The following TNS4 variants were observed in gnomAD, a reference collection of about 807,000 sequenced individuals.
TNS4 encodes the protein tensin-4.
TNS4 carries 46 observed loss-of-function variants against 70.4 expected under a neutral mutation model. The ratio of observed to expected loss-of-function variants is 0.65; its 90% CI spans 0.52 to 0.84. The LOEUF is 0.84. Ranked by LOEUF, TNS4 falls within the 40% of genes least tolerant of loss-of-function variation. The pLI is 0.00. For synonymous variants in TNS4, 390 were observed against 366.6 expected, an observed-to-expected ratio of 1.06 and a Z score of -0.73; for missense variants, 863 against 907.0, an observed-to-expected ratio of 0.95 and a Z score of 0.62.
intron 2 of TNS4, among the ~76,000 whole-genome samples, chr17:40,495,294 T>C (rs2143826948): frequency 6.6e-6 from 1 of 152,316 alleles, no homozygotes. Flanking sequence ...GTGGTGGCAA[T>C]GCTGTGTGAC....
In TNS4 at chr17:40,487,254, T is replaced by G; in HGVS notation, c.1070A>C (p.His357Pro). The G allele has an allele frequency of 6.2e-7, 1 of 1,614,162 alleles. No individual in the cohort carries two copies. Among genetic ancestry groups the G allele is most frequent in the Non-Finnish European group, 8.5e-7 (1 of 1,180,008 alleles). ...TPHSPPLAKE[H>P]ASSCPPSITN... Reference sequence around the variant, plus strand: ...GATGGATGGGGGGCAGCTGCTGGCATGTTCTTTGGCCAGTGGTGGAGAGTG... The same window carrying G: ...GATGGATGGGGGGCAGCTGCTGGCAGGTTCTTTGGCCAGTGGTGGAGAGTG... The change falls in exon 4 of 13, where the codon CAT becomes CCT. Residue 357 changes from histidine to proline, a missense_variant. By Grantham distance (77) the His-to-Pro change is moderately conservative (BLOSUM62 -2). Coordinates refer to ENST00000254051, the MANE Select transcript of TNS4 (RefSeq NM_032865.6).
Position 40,483,701 on chromosome 17 carries a change from G to C in TNS4, c.1501+783C>G, listed in dbSNP as rs1486219711. Among the ~76,000 whole-genome samples the C allele has an allele frequency of 2.6e-5, 4 of 152,138 alleles. No homozygotes were observed. The East Asian group carries it at 7.7e-4, about 29-fold the overall frequency. On this transcript the variant is annotated intron_variant, in intron 6 of 12. Coordinates refer to ENST00000254051, the MANE Select transcript of TNS4 (RefSeq NM_032865.6). ...GCCTCTTGCAAGGCGTCCTTTATAA[G>C]TAACACCCTCCCCAGAGGTCACTTT...
intron 9 of TNS4, chr17:40,480,135 A>C: frequency 5.1e-6 from 2 of 391,106 alleles, no homozygotes; most frequent in Non-Finnish European, 9.2e-6. Flanking sequence ...CCTTCTGTCC[A>C]CACTTAACGG....
intron 3 of TNS4, 82 bp downstream of exon 3, chr17:40,488,464 G>A (rs961605964): frequency 2.0e-5 from 27 of 1,343,810 alleles, no homozygotes; most frequent in Admixed American, 1.4e-4. Flanking sequence ...GACAGAGCAG[G>A]GTCCCTTTCA....
At chr17:40,491,930 G>A (rs950905921) in intron 2 of TNS4, among the ~76,000 whole-genome samples, 2 of 152,150 alleles carry the variant, frequency 1.3e-5, no homozygotes, top group African/African-American at 4.8e-5. Flanking sequence ...GTTGGAAAAT[G>A]AAAGTGGGGG....
In TNS4 at chr17:40,476,921, G is replaced by A. The variant is rs1482578977; in HGVS notation, c.*667C>T. On this transcript the variant is annotated 3_prime_UTR_variant, in exon 13 of 13. Coordinates refer to ENST00000254051, the MANE Select transcript of TNS4 (RefSeq NM_032865.6). Reference sequence around the variant, plus strand: ...AAGATGGGGTGATACTCATCTGCAAGGGGGTGCAGGACAGCTGGGTCTCCT... The same window carrying A: ...AAGATGGGGTGATACTCATCTGCAAAGGGGTGCAGGACAGCTGGGTCTCCT... 1 of 152,226 alleles carries A rather than the reference G, an allele frequency of 6.6e-6. No individual in the cohort carries two copies. Among genetic ancestry groups the A allele is most frequent in the Non-Finnish European group, 1.5e-5 (1 of 68,086 alleles). 9.4% of individuals were successfully genotyped at this position (152,226 alleles called of 1,614,324 possible). A position where few individuals can be genotyped will look rare whatever the true frequency, so the allele number is the denominator to read the frequency against.
At chr17:40,481,292 C>T (rs148721872) in intron 8 of TNS4, among the ~76,000 whole-genome samples, 1 of 152,328 alleles carries the variant, frequency 6.6e-6, no homozygotes, top group Non-Finnish European at 1.5e-5. Flanking sequence ...GGCCTTTGGG[C>T]AAATTACGTA....
At chr17:40,484,054 A>C (rs1325227286) in intron 6 of TNS4, among the ~76,000 whole-genome samples, 1 of 152,260 alleles carries the variant, frequency 6.6e-6, no homozygotes. Flanking sequence ...ACAGGAAAGC[A>C]TATAAGCTAT....
rs1345054350 is a variant in TNS4, at chr17:40,496,475, A to G, written c.-50T>C. On this transcript the variant is annotated 5_prime_UTR_variant, in exon 2 of 13. Transcript: ENST00000254051. Reference sequence around the variant, plus strand: ...TTACCTCTGGTCTTCAACCAGCCTCACTGACATCCCAGAGATCTCACTTGC... The same window carrying G: ...TTACCTCTGGTCTTCAACCAGCCTCGCTGACATCCCAGAGATCTCACTTGC... The G allele has an allele frequency of 6.4e-7, 1 of 1,554,154 alleles. No individual in the cohort carries two copies. The highest frequency in any genetic ancestry group is 8.7e-7 in the Non-Finnish European group (1 of 1,152,134).
chr17:40,486,322 T>C (rs986454830), intron 4 of TNS4, among the ~76,000 whole-genome samples: 4 of 152,102 alleles, frequency 2.6e-5, no homozygotes, highest in Admixed American at 6.5e-5. Flanking sequence ...TGACTCGCCC[T>C]CTTGCTCTCC....
At position 40,477,619 on chromosome 17, in the gene TNS4, G is replaced by T. The variant is rs747685569; in HGVS notation, c.2117C>A (p.Thr706Asn). The T allele has an allele frequency of 1.2e-6, 2 of 1,614,026 alleles. No homozygotes were observed. The highest frequency in any genetic ancestry group is 2.7e-5 in the African/African-American group (2 of 74,930). Residue 706 changes from threonine (T) to asparagine (N), a missense_variant, in exon 13 of 13, where the codon ACT (threonine) becomes AAT (asparagine). Transcript: ENST00000254051. Reference sequence around the variant, plus strand: ...CCTTTCTGCGTCCTGCAGCAGAGCAGTCACCAGGCCGATGACCTGCGAGGC... The same window carrying T: ...CCTTTCTGCGTCCTGCAGCAGAGCATTCACCAGGCCGATGACCTGCGAGGC... The part of the protein sequence containing the change: ...QPASQVIGLV[T>N]ALLQDAERM
Position 40,488,700 on chromosome 17 carries a change from C to T in TNS4, c.709G>A (p.Gly237Arg). ...CCATGGGGGCTCGAGGCCTTGCTCC[C>T]CATGCAAGGGATTGAGATGCTGGGG... ...NSPSISIPCM[G>R]SKASSPHGLG... The change falls in exon 3 of 13, where the codon GGG becomes AGG. Residue 237 changes from glycine (G) to arginine (R), a missense_variant. By Grantham distance (125) the Gly-to-Arg change is moderately radical. Transcript: ENST00000254051. 6.3e-7 allele frequency: 1 copy of T among 1,586,212 alleles called. No individual in the cohort carries two copies. The highest frequency in any genetic ancestry group is 8.6e-7 in the Non-Finnish European group (1 of 1,165,554).
At chr17:40,496,638 C>T in intron 1 of TNS4, 118 bp from the exon 2 acceptor site, 1 of 567,270 alleles carries the variant, frequency 1.8e-6, no homozygotes, top group Non-Finnish European at 3.0e-6. Flanking sequence ...TGGAGCCAGA[C>T]CACCTGAGTT....
At chr17:40,479,623 C>G (rs757333847) in intron 10 of TNS4, 51 bp downstream of exon 10, 33 of 1,582,390 alleles carry the variant, frequency 2.1e-5, no homozygotes, top group Non-Finnish European at 2.7e-5. Flanking sequence ...GCTATCCCCT[C>G]CAGCTCTACT....
chr17:40,484,740 A>G (rs2290206), intron 5 of TNS4, 131 bp from the exon 6 acceptor site: 366,445 of 1,448,860 alleles, frequency 0.25, 48,585 homozygotes, highest in South Asian at 0.39. Context: ...GTACTGTCAA[A>G]TCTCCACCAT....
chr17:40,479,830 A>G lies in TNS4; in HGVS notation c.1754T>C (p.Leu585Pro). The change falls in exon 10 of 13, where the codon CTG becomes CCG. Residue 585 changes from leucine to proline, a missense_variant. Physicochemically the swap from Leu to Pro is moderately conservative, Grantham distance 98. Transcript: ENST00000254051. ...CQKKSAGCHT[L>P]YLSSVSVETL... is the part of the protein sequence containing the mutation. ...CTCCACGCTCACTGAGCTCAGGTAC[A>G]GGGTGTGGCAGCCTGTGGGAGGCAG... is the stretch of plus-strand genomic sequence containing the variant. 2.5e-6 allele frequency: 4 copies of G among 1,611,682 alleles called. No homozygotes were observed. Among genetic ancestry groups the G allele is most frequent in the Non-Finnish European group, 3.4e-6 (4 of 1,179,142 alleles).
At chr17:40,494,113 G>C (rs1028936336) in intron 2 of TNS4, among the ~76,000 whole-genome samples, 2 of 152,216 alleles carry the variant, frequency 1.3e-5, no homozygotes, top group Non-Finnish European at 2.9e-5. Context: ...AGAGGGCCTG[G>C]GTGCTGGGCT....
intron 10 of TNS4, 32 bp downstream of exon 10, chr17:40,479,642 C>T: frequency 6.2e-7 from 1 of 1,601,060 alleles, no homozygotes. Context: ...CTCCGCCAGC[C>T]CCGGAGCCCC....
chr17:40,477,643 G>A lies in TNS4; in HGVS notation c.2093C>T (p.Ala698Val). ...AGTCACCAGGCCGATGACCTGCGAG[G>A]CTGGCTGGACCATGTCATACTCCGC... The part of the protein sequence containing the change: ...LFAEYDMVQP[A>V]SQVIGLVTAL... Residue 698 changes from alanine (A) to valine (V), a missense_variant, in exon 13 of 13, where the codon GCC becomes GTC. Physicochemically the swap from Ala to Val is moderately conservative, Grantham distance 64. Coordinates refer to ENST00000254051, the MANE Select transcript of TNS4 (RefSeq NM_032865.6). 6.2e-7 allele frequency: 1 copy of A among 1,614,140 alleles called. No individual in the cohort carries two copies. Among genetic ancestry groups the A allele is most frequent in the Non-Finnish European group, 8.5e-7 (1 of 1,180,012 alleles).
Sources: gnomAD v4.1 joint callset for allele counts (sites outside exome capture counted in the v4.1 genomes callset) on GRCh38, gnomAD v4.1.1 for gene constraint, MANE v1.5 for transcripts, NCBI Gene and HGNC (gene_info 2026-07-23, HGNC 2026-07-21) for gene names.